ASAP1: variants seen among roughly 807,000 people sequenced by gnomAD.
ASAP1 encodes the protein arf-GAP with SH3 domain, ANK repeat and PH domain-containing protein 1.
A neutral mutation model predicts 145.2 loss-of-function variants in ASAP1; 43 were observed. That is an observed-to-expected ratio of 0.30 (90% CI 0.23 to 0.38). The LOEUF is 0.38. ASAP1 is among the 10% of genes least tolerant of loss of function. The pLI is 1.00. For synonymous variants in ASAP1, 546 were observed against 515.5 expected, an observed-to-expected ratio of 1.06 and a Z score of -0.80; for missense variants, 1,018 against 1,355.3, an observed-to-expected ratio of 0.75 and a Z score of 3.91.
chr8:130,253,472 T>G (rs1819328141), intron 3 of ASAP1, among the ~76,000 whole-genome samples: 1 of 152,158 alleles, frequency 6.6e-6, no homozygotes, highest in Admixed American at 6.5e-5. Context: ...ACAAATTTTA[T>G]GTGAATGGTG....
intron 1 of ASAP1, among the ~76,000 whole-genome samples, chr8:130,407,634 A>G (rs1261145607): frequency 4.6e-5 from 7 of 152,176 alleles, no homozygotes; most frequent in African/African-American, 1.4e-4. Context: ...CATTACCATC[A>G]AGCATCAGAT....
chr8:130,302,327 T>C (rs550942907), intron 3 of ASAP1, among the ~76,000 whole-genome samples: 1 of 152,228 alleles, frequency 6.6e-6, no homozygotes, highest in Non-Finnish European at 1.5e-5. Flanking sequence ...ATGTCTATGG[T>C]GTGTACTGGA....
intron 18 of ASAP1, among the ~76,000 whole-genome samples, chr8:130,119,099 T>C (rs2097561234): frequency 1.3e-5 from 2 of 152,198 alleles, no homozygotes; most frequent in Admixed American, 1.3e-4. Context: ...TAACTCTCTA[T>C]TTTTTATTTA....
intron 3 of ASAP1, among the ~76,000 whole-genome samples, chr8:130,255,389 A>G (rs1317892865): frequency 6.6e-6 from 1 of 152,170 alleles, no homozygotes; most frequent in African/African-American, 2.4e-5. Flanking sequence ...TATGTACCTA[A>G]TAAATGTTTT....
At chr8:130,392,054 C>G (rs757526621) in intron 2 of ASAP1, among the ~76,000 whole-genome samples, 1 of 152,340 alleles carries the variant, frequency 6.6e-6, no homozygotes, top group South Asian at 2.1e-4. Context: ...CACTGCTTGT[C>G]CCATCTTCTC....
At chr8:130,318,587 T>G (rs890070539) in intron 3 of ASAP1, among the ~76,000 whole-genome samples, 10 of 152,180 alleles carry the variant, frequency 6.6e-5, no homozygotes, top group African/African-American at 2.2e-4. Context: ...AATTAAAACA[T>G]TTACTGTTCA....
intron 5 of ASAP1, chr8:130,195,427 G>A (rs1459736951): frequency 2.0e-5 from 3 of 149,188 alleles, no homozygotes; most frequent in Non-Finnish European, 4.4e-5. Context: ...GATGGCGCAC[G>A]CCTGTAGTTT....
chr8:130,112,235 G>T lies in ASAP1; in HGVS notation c.2260C>A (p.Pro754Thr). 1 of 1,614,212 alleles carries T rather than the reference G, an allele frequency of 6.2e-7. No homozygotes were observed. The highest frequency in any genetic ancestry group is 8.5e-7 in the Non-Finnish European group (1 of 1,180,040). Residue 754 changes from proline to threonine, a missense_variant, in exon 24 of 30, where the codon CCA becomes ACA. Physicochemically the swap from Pro to Thr is conservative, Grantham distance 38. Transcript: ENST00000518721. ...TTGTCCCTTGGAGTGCTGAATCCTG[G>T]CAGTGCCAGCTTGTCCTGGGGGGAG... ...SISPQDKLAL[P>T]GFSTPRDKQR...
intron 24 of ASAP1, among the ~76,000 whole-genome samples, chr8:130,104,454 T>C (rs2097533817): frequency 6.6e-6 from 1 of 152,234 alleles, no homozygotes; most frequent in Non-Finnish European, 1.5e-5. Flanking sequence ...CGTCCTTTGT[T>C]CTCTGCCTTT....
At position 130,091,962 on chromosome 8, in the gene ASAP1, G is replaced by A. The variant is rs901480785; in HGVS notation, c.2572+11C>T. On this transcript the variant is annotated intron_variant, in intron 25 of 29. Coordinates refer to ENST00000518721, the MANE Select transcript of ASAP1 (RefSeq NM_018482.4). ...CCCAGCAGCTTTGGCCCTGACTTTA[G>A]GATAACTTACCCCAAGGAACTGCGC... The A allele has an allele frequency of 6.5e-7, 1 of 1,528,042 alleles. No homozygotes were observed. Among genetic ancestry groups the A allele is most frequent in the Non-Finnish European group, 8.7e-7 (1 of 1,144,856 alleles). The allele number at this position is 1,528,042 out of a possible 1,614,324, so 94.7% of individuals were successfully genotyped here. A position where few individuals can be genotyped will look rare whatever the true frequency, so the allele number is the denominator to read the frequency against.
intron 5 of ASAP1, among the ~76,000 whole-genome samples, chr8:130,189,362 T>C (rs1342401215): frequency 1.3e-5 from 2 of 152,146 alleles, no homozygotes; most frequent in African/African-American, 4.8e-5. Flanking sequence ...CTATTCTCTA[T>C]CTCTATGAGA....
chr8:130,261,768 G>C (rs1231439449), intron 3 of ASAP1, among the ~76,000 whole-genome samples: 2 of 152,068 alleles, frequency 1.3e-5, no homozygotes, highest in Non-Finnish European at 2.9e-5. Context: ...TGTGTGGAGG[G>C]GGGCAAGGGA....
At chr8:130,382,063 G>C (rs535895383) in intron 2 of ASAP1, among the ~76,000 whole-genome samples, 2 of 152,084 alleles carry the variant, frequency 1.3e-5, no homozygotes, top group Non-Finnish European at 2.9e-5. Flanking sequence ...GAGGCGGGCA[G>C]ATCACGAGGT....
intron 5 of ASAP1, among the ~76,000 whole-genome samples, chr8:130,206,019 T>A (rs1338691588): frequency 1.3e-5 from 2 of 152,220 alleles, no homozygotes; most frequent in East Asian, 3.8e-4. Context: ...ATTTTTATTT[T>A]AAAATTTTCC....
chr8:130,405,810 G>A (rs934143510), intron 1 of ASAP1, among the ~76,000 whole-genome samples: 2 of 152,184 alleles, frequency 1.3e-5, no homozygotes, highest in Middle Eastern at 3.2e-3. Flanking sequence ...CTGATGCTCT[G>A]AGAATGATTT....
At chr8:130,208,519 C>T (rs1816372667) in intron 5 of ASAP1, 1 of 151,934 alleles carries the variant, frequency 6.6e-6, no homozygotes, top group Non-Finnish European at 1.5e-5. Flanking sequence ...GCAAGGTTAT[C>T]TTATTTAAAG....
At chr8:130,180,475 C>T (rs1422271008) in intron 8 of ASAP1, among the ~76,000 whole-genome samples, 1 of 152,192 alleles carries the variant, frequency 6.6e-6, no homozygotes, top group Admixed American at 6.5e-5. Context: ...CAATGTTTTC[C>T]TCCCACAACC....
intron 1 of ASAP1, among the ~76,000 whole-genome samples, chr8:130,425,053 G>A (rs189665203): frequency 8.7e-5 from 13 of 149,392 alleles, no homozygotes; most frequent in East Asian, 1.9e-4. Context: ...GGGTCAGGCC[G>A]GGCGCAATGG....
At chr8:130,320,972 G>C (rs1211727058) in intron 3 of ASAP1, among the ~76,000 whole-genome samples, 1 of 152,168 alleles carries the variant, frequency 6.6e-6, no homozygotes, top group Non-Finnish European at 1.5e-5. Context: ...TTCAAATAGA[G>C]ACAACCAGAA....
Sources: allele counts gnomAD v4.1 joint callset (sites outside exome capture counted in the v4.1 genomes callset), GRCh38; gene constraint gnomAD v4.1.1; transcripts MANE v1.5; gene names NCBI Gene and HGNC (gene_info 2026-07-23, HGNC 2026-07-21).